SLC2A5: variants seen among roughly 807,000 people sequenced by gnomAD.
SLC2A5 encodes solute carrier family 2 member 5.
Under a neutral mutation model 50.3 loss-of-function variants are expected in SLC2A5, and 56 were observed. That is an observed-to-expected ratio of 1.11 (90% CI 0.90 to 1.39). The LOEUF (loss-of-function observed/expected upper bound fraction) is 1.39, where lower values mean the gene tolerates loss of function less well. SLC2A5 is among the 40% of genes most tolerant of loss of function. SLC2A5 has a pLI of 0.00. For synonymous variants in SLC2A5, 269 were observed against 281.9 expected, an observed-to-expected ratio of 0.95 and a Z score of 0.46; for missense variants, 566 against 650.1, an observed-to-expected ratio of 0.87 and a Z score of 1.41.
intron 1 of SLC2A5, among the ~76,000 whole-genome samples, chr1:9,064,868 C>T (rs1642040096): frequency 1.3e-5 from 2 of 152,094 alleles, no homozygotes; most frequent in Non-Finnish European, 2.9e-5. Flanking sequence ...GCCTGGACAA[C>T]ATGGTGAAAC....
chr1:9,057,292 TAAAAAAAAAA>T (rs760221358), intron 3 of SLC2A5, among the ~76,000 whole-genome samples, 146 bp downstream of exon 3: 85 of 103,438 alleles, frequency 8.2e-4, no homozygotes, highest in Non-Finnish European at 1.3e-3. Flanking sequence ...TCTCAAAAAT[TAAAAAAAAAA>T]AAAAAAAAAA....
chr1:9,078,399 A>G (rs1436665328), intron 2 of SLC2A5, among the ~76,000 whole-genome samples: 1 of 152,088 alleles, frequency 6.6e-6, no homozygotes, highest in Non-Finnish European at 1.5e-5. Flanking sequence ...TCTCAGCCTC[A>G]CTTTACTCGG....
intron 4 of SLC2A5, among the ~76,000 whole-genome samples, chr1:9,045,055 T>G (rs1641402723): frequency 6.6e-6 from 1 of 152,184 alleles, no homozygotes; most frequent in Non-Finnish European, 1.5e-5. Flanking sequence ...TTCATAATAA[T>G]CCAGAGATGA....
rs58395185 is a variant in SLC2A5 at position 9,059,536 on chromosome 1, C to CTTTTTTTTTT, written c.34-1296_34-1287dup. Among the ~76,000 whole-genome samples the CTTTTTTTTTT allele has an allele frequency of 3.1e-3, 305 of 98,372 alleles. 34 individuals are homozygous for CTTTTTTTTTT. The highest frequency in any genetic ancestry group is 0.013 in the African/African-American group (273 of 21,680). The allele number at this position is 98,372 out of a possible 152,430, so 64.5% of individuals were successfully genotyped here. A position where few individuals can be genotyped will look rare whatever the true frequency, so the allele number is the denominator to read the frequency against. On this transcript the variant is annotated intron_variant, in intron 1 of 11. Transcript: ENST00000377424. ...CACGGTATCTAAATCTACAGAGAAT[C>CTTTTTTTTTT]TTTTTTTTTTTTTTTTTTCTGAGAC...
chr1:9,053,798 C>T (rs1445617925), intron 3 of SLC2A5, among the ~76,000 whole-genome samples: 13 of 149,728 alleles, frequency 8.7e-5, no homozygotes, highest in Admixed American at 1.4e-4. Flanking sequence ...CACTTGAACC[C>T]GGGAGGCAGA....
chr1:9,054,995 C>T (rs915471886), intron 3 of SLC2A5, among the ~76,000 whole-genome samples: 2 of 152,052 alleles, frequency 1.3e-5, no homozygotes, highest in Admixed American at 1.3e-4. Flanking sequence ...AATTTGACCA[C>T]TTGAAGACTT....
upstream of SLC2A5, among the ~76,000 whole-genome samples, chr1:9,089,699 C>T (rs1189132710): frequency 2.0e-5 from 3 of 152,204 alleles, no homozygotes; most frequent in African/African-American, 7.2e-5. Context: ...TTGGCCTAAC[C>T]CCTGGCTGCC....
upstream of SLC2A5, among the ~76,000 whole-genome samples, chr1:9,073,804 C>A (rs1642251356): frequency 6.6e-6 from 1 of 152,144 alleles, no homozygotes; most frequent in African/African-American, 2.4e-5. Flanking sequence ...CAAGAGAATG[C>A]TGGCCGGGCG....
In SLC2A5 at chr1:9,079,050, T is replaced by C. The variant is rs1642324436; in HGVS notation, c.-59+5964A>G. Among the ~76,000 whole-genome samples the C allele has an allele frequency of 1.3e-5, 2 of 152,136 alleles. 1 individual carries two copies. Among genetic ancestry groups the C allele is most frequent in the South Asian group, 4.1e-4 (2 of 4,830 alleles). On this transcript the variant is annotated intron_variant, in intron 2 of 5. Coordinates refer to the SLC2A5 transcript ENST00000464985. The stretch of plus-strand genomic sequence containing the variant: ...AGTGCCCACGCGCGGTGTCTCCCTC[T>C]TCCTCTTCTGTGAAAAGCCACACCC...
Position 9,039,754 on chromosome 1 carries a change from G to T in SLC2A5, c.885+46C>A. The T allele has an allele frequency of 2.1e-6, 3 of 1,419,702 alleles. No homozygotes were observed. The South Asian group carries it at 4.4e-5, about 21-fold the overall frequency. 87.9% of individuals were successfully genotyped at this position (1,419,702 alleles called of 1,614,324 possible). A position where few individuals can be genotyped will look rare whatever the true frequency, so the allele number is the denominator to read the frequency against. On this transcript the variant is annotated intron_variant, in intron 7 of 11. Coordinates refer to ENST00000377424, the MANE Select transcript of SLC2A5 (RefSeq NM_003039.3). Reference sequence around the variant, plus strand: ...CGGCGCCCCAGGACCTGCGCCCCGCGCCCCCCGAGCCCTCCCCAGCTCCCG... The same window carrying T: ...CGGCGCCCCAGGACCTGCGCCCCGCTCCCCCCGAGCCCTCCCCAGCTCCCG...
chr1:9,068,279 A>C (rs1051239684), intron 1 of SLC2A5, among the ~76,000 whole-genome samples: 2 of 151,264 alleles, frequency 1.3e-5, no homozygotes, highest in Non-Finnish European at 2.9e-5. Context: ...CTTTACATGC[A>C]TTATCTCATT....
intron 2 of SLC2A5, chr1:9,082,732 C>T: frequency 2.8e-6 from 1 of 362,066 alleles, no homozygotes; most frequent in Non-Finnish European, 5.4e-6. Flanking sequence ...TTTGAACCTG[C>T]CCAGTTGTGG....
chr1:9,087,483 C>T (rs568836239), intron 1 of SLC2A5, among the ~76,000 whole-genome samples: 241 of 152,228 alleles, frequency 1.6e-3, no homozygotes, highest in African/African-American at 5.5e-3. Flanking sequence ...GAATTACAGG[C>T]GTGAGCCACC....
At chr1:9,057,001 A>G (rs1641771245) in intron 3 of SLC2A5, among the ~76,000 whole-genome samples, 1 of 152,214 alleles carries the variant, frequency 6.6e-6, no homozygotes, top group Non-Finnish European at 1.5e-5. Context: ...TTAGAAAATA[A>G]AAATGACCGG....
rs995655018 is a variant in SLC2A5, at chr1:9,046,674, G to A, written c.418+936C>T. On this transcript the variant is annotated intron_variant, in intron 4 of 11. Transcript: ENST00000377424. ...ACTGCAACCTGGTTCTCGTGTGTGT[G>A]TGTGTGTGTGTGTGTGTGTGTGTGT... is the stretch of plus-strand genomic sequence containing the variant. Among the ~76,000 whole-genome samples the A allele has an allele frequency of 2.9e-5, 4 of 137,502 alleles. No individual in the cohort carries two copies. In the East Asian group the frequency reaches 6.2e-4, roughly 21 times the overall value. 90.2% of individuals were successfully genotyped at this position (137,502 alleles called of 152,430 possible).
upstream of SLC2A5, among the ~76,000 whole-genome samples, chr1:9,070,922 CTT>C (rs987742282): frequency 5.4e-4 from 82 of 151,818 alleles, no homozygotes; most frequent in African/African-American, 1.5e-3. Context: ...TACTGCCTGT[CTT>C]TTTCTTCTGC....
chr1:9,068,718 C>T (rs1246243661), intron 1 of SLC2A5, among the ~76,000 whole-genome samples: 1 of 152,168 alleles, frequency 6.6e-6, no homozygotes, highest in East Asian at 1.9e-4. Flanking sequence ...TCCCAAGACC[C>T]ACTCTTAATC....
chr1:9,042,371 G>A (rs1641324870), intron 4 of SLC2A5, among the ~76,000 whole-genome samples: 1 of 152,060 alleles, frequency 6.6e-6, no homozygotes, highest in African/African-American at 2.4e-5. Flanking sequence ...GACCAGCCTG[G>A]GCAACATAGT....
At chr1:9,060,179 TAC>T (rs1457215051) in intron 1 of SLC2A5, among the ~76,000 whole-genome samples, 4 of 104,654 alleles carry the variant, frequency 3.8e-5, no homozygotes, top group Non-Finnish European at 3.9e-5. Context: ...ACATACACAA[TAC>T]ACACACTACA....
Sources: allele counts gnomAD v4.1 joint callset (sites outside exome capture counted in the v4.1 genomes callset), GRCh38; gene constraint gnomAD v4.1.1; transcripts MANE v1.5; gene names NCBI Gene and HGNC (gene_info 2026-07-23, HGNC 2026-07-21).